Variants in FAM107B observed in about 807,000 individuals in gnomAD.
The protein encoded by FAM107B is protein FAM107B.
In FAM107B, 21 loss-of-function variants were observed where a neutral mutation model predicts 31.5. The ratio of observed to expected loss-of-function variants is 0.67; its 90% confidence interval spans 0.47 to 0.96. FAM107B has a LOEUF of 0.96. Among genes scored for constraint, FAM107B ranks in the 40% least tolerant of loss-of-function variants. The pLI is 0.00. For missense variants in FAM107B, 452 were observed against 377.1 expected, an observed-to-expected ratio of 1.20 and a Z score of -1.64; for synonymous variants, 157 against 141.5, an observed-to-expected ratio of 1.11 and a Z score of -0.78.
In FAM107B at chr10:14,571,344, C is replaced by T. The variant is rs75924245; in HGVS notation, c.470-40829G>A. Among the ~76,000 whole-genome samples the T allele has an allele frequency of 2.7e-3, 405 of 152,214 alleles. 4 individuals carry two copies. Among genetic ancestry groups the T allele is most frequent in the African/African-American group, 9.5e-3 (393 of 41,484 alleles). ...TATATTATCAGGCCTACAATCTTCA[C>T]TAGATAGTCAAATTTTACTGGAAAT... On this transcript the variant is annotated intron_variant, in intron 2 of 4. Transcript: ENST00000181796.
chr10:14,768,343 A>G (rs1447710758), intron 1 of FAM107B, among the ~76,000 whole-genome samples: 1 of 152,250 alleles, frequency 6.6e-6, no homozygotes, highest in Non-Finnish European at 1.5e-5. Context: ...GATCAAAACA[A>G]TCTTTGAAAT....
rs146233099 is a variant in FAM107B, at chr10:14,643,109, G to GTAGGTAGGTAGGTAGA, written c.469+24524_469+24525insTCTACCTACCTACCTA. Among the ~76,000 whole-genome samples the GTAGGTAGGTAGGTAGA allele has an allele frequency of 1.8e-3, 271 of 151,462 alleles. 3 individuals carry two copies. Among genetic ancestry groups the GTAGGTAGGTAGGTAGA allele is most frequent in the African/African-American group, 5.6e-3 (232 of 41,310 alleles). ...AACAGAACTGATTGGAGATAGGTAG[G>GTAGGTAGGTAGGTAGA]TAGGTAGGTAGATAGACAGATAGAT... is the stretch of plus-strand genomic sequence containing the variant. On this transcript the variant is annotated intron_variant, in intron 2 of 4. Coordinates refer to ENST00000181796, the MANE Select transcript of FAM107B (RefSeq NM_031453.4).
rs151176522 is a variant in FAM107B, at chr10:14,579,253, G to C, written c.470-48738C>G. Among the ~76,000 whole-genome samples the C allele has an allele frequency of 4.0e-3, 607 of 152,290 alleles. 1 individual carries two copies. The highest frequency in any genetic ancestry group is 6.5e-3 in the Non-Finnish European group (445 of 68,014). Reference sequence around the variant, plus strand: ...GGGTCGGCCAGCTAAGCATCATTTGGAAACACCCATACCAATTAGTAGAAT... The same window carrying C: ...GGGTCGGCCAGCTAAGCATCATTTGCAAACACCCATACCAATTAGTAGAAT... On this transcript the variant is annotated intron_variant, in intron 2 of 4. Coordinates refer to ENST00000181796, the MANE Select transcript of FAM107B (RefSeq NM_031453.4).
chr10:14,713,646 A>T (rs1405371405), intron 1 of FAM107B, among the ~76,000 whole-genome samples: 3 of 152,226 alleles, frequency 2.0e-5, no homozygotes, highest in African/African-American at 7.2e-5. Flanking sequence ...GCTCCTGCAA[A>T]CATCCAGGAG....
At chr10:14,572,568 C>A (rs534561067) in intron 2 of FAM107B, among the ~76,000 whole-genome samples, 1 of 151,516 alleles carries the variant, frequency 6.6e-6, no homozygotes, top group Non-Finnish European at 1.5e-5. Context: ...TTATGTTTAA[C>A]ATGGCGGAAG....
At chr10:14,567,325 G>C (rs564540857) in intron 2 of FAM107B, among the ~76,000 whole-genome samples, 1 of 152,182 alleles carries the variant, frequency 6.6e-6, no homozygotes, top group African/African-American at 2.4e-5. Context: ...GGGAAGGTCA[G>C]AGAATGGCCT....
At chr10:14,569,280 G>C (rs1433835748) in intron 2 of FAM107B, among the ~76,000 whole-genome samples, 1 of 152,166 alleles carries the variant, frequency 6.6e-6, no homozygotes, top group Non-Finnish European at 1.5e-5. Context: ...GAAATAGAGA[G>C]TGTAGAAAAT....
chr10:14,757,449 T>G (rs1362397072), intron 1 of FAM107B, among the ~76,000 whole-genome samples: 1 of 152,156 alleles, frequency 6.6e-6, no homozygotes, highest in African/African-American at 2.4e-5. Context: ...TCTCTCTCTC[T>G]CTCTGTTCTG....
At chr10:14,665,085 A>G (rs1854371894) in intron 2 of FAM107B, among the ~76,000 whole-genome samples, 1 of 152,210 alleles carries the variant, frequency 6.6e-6, no homozygotes, top group South Asian at 2.1e-4. Context: ...CAGTTAGACA[A>G]CAGCATTTTT....
intron 1 of FAM107B, among the ~76,000 whole-genome samples, chr10:14,765,858 G>A (rs1176871334): frequency 1.3e-5 from 2 of 152,148 alleles, no homozygotes; most frequent in Non-Finnish European, 2.9e-5. Flanking sequence ...CAGGAAAAAT[G>A]GTTTGTACCA....
intron 1 of FAM107B, among the ~76,000 whole-genome samples, chr10:14,710,354 T>A (rs926514874): frequency 2.0e-5 from 3 of 151,978 alleles, no homozygotes; most frequent in Admixed American, 6.6e-5. Flanking sequence ...GAGGCTACTG[T>A]GAGCTACGAT....
At chr10:14,532,315 T>C (rs1178602948) in intron 2 of FAM107B, among the ~76,000 whole-genome samples, 1 of 152,162 alleles carries the variant, frequency 6.6e-6, no homozygotes, top group African/African-American at 2.4e-5. Context: ...CACCTCCCCG[T>C]GTTATGTTCT....
At chr10:14,550,561 C>G (rs777076171) in intron 2 of FAM107B, among the ~76,000 whole-genome samples, 3 of 152,204 alleles carry the variant, frequency 2.0e-5, no homozygotes, top group Non-Finnish European at 4.4e-5. Flanking sequence ...AGGGAAAGAA[C>G]AGAAAAAGGT....
At chr10:14,546,261 G>C (rs868706128) in intron 2 of FAM107B, among the ~76,000 whole-genome samples, 1 of 152,166 alleles carries the variant, frequency 6.6e-6, no homozygotes, top group Non-Finnish European at 1.5e-5. Flanking sequence ...GCTCGGACTA[G>C]GACCAAGATT....
At chr10:14,774,204 C>A in intron 1 of FAM107B, 49 bp downstream of exon 1, 1 of 1,552,820 alleles carries the variant, frequency 6.4e-7, no homozygotes. Context: ...GATCCCAACG[C>A]TCCTCCAGCT....
At chr10:14,763,612 C>G (rs1833102596) in intron 1 of FAM107B, among the ~76,000 whole-genome samples, 1 of 152,162 alleles carries the variant, frequency 6.6e-6, no homozygotes, top group Admixed American at 6.5e-5. Flanking sequence ...AAAACTCAGT[C>G]AAAAGGGCTG....
At chr10:14,759,947 G>A (rs1275971099) in intron 1 of FAM107B, among the ~76,000 whole-genome samples, 1 of 152,102 alleles carries the variant, frequency 6.6e-6, no homozygotes, top group Non-Finnish European at 1.5e-5. Flanking sequence ...CCTGACCTCA[G>A]GTGATCCACT....
At chr10:14,707,149 CA>C (rs1249348811) in intron 1 of FAM107B, among the ~76,000 whole-genome samples, 6 of 151,504 alleles carry the variant, frequency 4.0e-5, no homozygotes, top group Non-Finnish European at 8.8e-5. Context: ...ACAACAACAA[CA>C]AAAAAACAAA....
intron 2 of FAM107B, chr10:14,661,723 TCTGA>T (rs1369114982): frequency 6.6e-6 from 1 of 152,236 alleles, no homozygotes; most frequent in Non-Finnish European, 1.5e-5. Flanking sequence ...TCTGGAGAAC[TCTGA>T]CTAGTTCAGG....
Sources: allele counts gnomAD v4.1 joint callset (sites outside exome capture counted in the v4.1 genomes callset), GRCh38; gene constraint gnomAD v4.1.1; transcripts MANE v1.5; gene names NCBI Gene and HGNC (gene_info 2026-07-23, HGNC 2026-07-21).